ZNF217: variants seen among roughly 807,000 people sequenced by gnomAD.
ZNF217 encodes the protein zinc finger protein 217.
A neutral mutation model predicts 73.3 loss-of-function variants in ZNF217; 12 were observed. The observed-to-expected ratio is 0.16, with a 90% CI of 0.10 to 0.27. The LOEUF (loss-of-function observed/expected upper bound fraction) is 0.27, where lower values mean the gene tolerates loss of function less well. Among genes scored for constraint, ZNF217 ranks in the 10% least tolerant of loss-of-function variants. ZNF217 has a pLI of 1.00. For missense variants in ZNF217, 1,195 were observed against 1,327.8 expected (o/e 0.90, Z 1.55); for synonymous variants, 588 against 516.4 (o/e 1.14, Z -1.88).
chr20:53,568,494 T>A lies in ZNF217; in HGVS notation c.*794A>T, dbSNP rs1319629309. On this transcript the variant is annotated 3_prime_UTR_variant, in exon 6 of 6. Coordinates refer to ENST00000371471, the MANE Select transcript of ZNF217 (RefSeq NM_006526.3). ...AGAAAATGCTTGTCTGTAGACACAC[T>A]CTCTTAAAAATCCTACAAGCCATCC... The A allele has an allele frequency of 6.6e-6, 1 of 152,152 alleles. No individual in the cohort carries two copies. The highest frequency in any genetic ancestry group is 1.5e-5 in the Non-Finnish European group (1 of 68,024). The allele number at this position is 152,152 out of a possible 1,614,324, so 9.4% of individuals were successfully genotyped here.
chr20:53,588,969 C>T (rs1367954526), intron 1 of ZNF217, among the ~76,000 whole-genome samples: 1 of 152,200 alleles, frequency 6.6e-6, no homozygotes, highest in Non-Finnish European at 1.5e-5. Flanking sequence ...AACAAAAACA[C>T]TTCAGTATAA....
Position 53,581,902 on chromosome 20 carries a change from T to C in ZNF217, c.925A>G (p.Ile309Val), listed in dbSNP as rs1223400263. Residue 309 changes from isoleucine to valine, a missense_variant, in exon 2 of 6, where the codon ATT becomes GTT. Coordinates refer to ENST00000371471, the MANE Select transcript of ZNF217 (RefSeq NM_006526.3). The surrounding 1 kb of genome is among the most constrained non-coding windows in gnomAD (Gnocchi z 4.9). ...WQLATKGKVA[I>V]CQEVKESGQE... The stretch of plus-strand genomic sequence containing the variant: ...CCCGATTCCTTCACTTCTTGGCAAA[T>C]GGCAACTTTTCCTTTGGTAGCCAGC... The C allele has an allele frequency of 3.7e-6, 6 of 1,614,124 alleles. No individual in the cohort carries two copies. The highest frequency in any genetic ancestry group is 1.3e-5 in the African/African-American group (1 of 74,938).
At chr20:53,592,728 C>T (rs1294368555) in intron 1 of ZNF217, among the ~76,000 whole-genome samples, 1 of 151,770 alleles carries the variant, frequency 6.6e-6, no homozygotes, top group Non-Finnish European at 1.5e-5. Context: ...CCCTCCGCCT[C>T]TCCACCATCC....
intron 1 of ZNF217, among the ~76,000 whole-genome samples, chr20:53,585,556 T>C (rs758231323): frequency 7.9e-5 from 12 of 152,040 alleles, no homozygotes; most frequent in Non-Finnish European, 1.6e-4. Context: ...CCCAAAAAAA[T>C]AAGAAATATG....
chr20:53,581,860 C>T lies in ZNF217; in HGVS notation c.967G>A (p.Asp323Asn), dbSNP rs767530299. Residue 323 changes from aspartate to asparagine, a missense_variant, in exon 2 of 6, where the codon GAC becomes AAC. Physicochemically the swap from Asp to Asn is conservative, Grantham distance 23 (BLOSUM62 1). Transcript: ENST00000371471. This position sits in a 1 kb window ranked among gnomAD's most constrained non-coding sequence, Gnocchi z 4.9. ...VKESGQEGST[D>N]NDDSSSEKEL... is the part of the protein sequence containing the mutation. ...TTCTCGGAACTCGAATCGTCGTTGT[C>T]GGTGCTCCCTTCTTGCCCCGATTCC... is the stretch of plus-strand genomic sequence containing the variant. 5.0e-6 allele frequency: 8 copies of T among 1,614,104 alleles called. No homozygotes were observed. Among genetic ancestry groups the T allele is most frequent in the South Asian group, 1.1e-5 (1 of 91,086 alleles).
In ZNF217 at chr20:53,582,922, A is replaced by C. The variant is rs1988564614; in HGVS notation, c.-96T>G. 3 of 1,286,402 alleles carry C rather than the reference A, an allele frequency of 2.3e-6. No homozygotes were observed. Among genetic ancestry groups the C allele is most frequent in the Admixed American group, 2.3e-5 (1 of 42,728 alleles). The allele number at this position is 1,286,402 out of a possible 1,614,324, so 79.7% of individuals were successfully genotyped here. ...CCTCTAACAGCCCTGGGTTCCAAAA[A>C]CCAGAGCAAATATTTATTATAAAAG... is the stretch of plus-strand genomic sequence containing the variant. On this transcript the variant is annotated 5_prime_UTR_variant, in exon 2 of 6. Coordinates refer to ENST00000371471, the MANE Select transcript of ZNF217 (RefSeq NM_006526.3). The surrounding 1 kb of genome is among the most constrained non-coding windows in gnomAD (Gnocchi z 4.8).
chr20:53,567,109 AATAAC>A lies in ZNF217; in HGVS notation c.*2174_*2178del, dbSNP rs1166823003. 46 of 152,766 alleles carry A rather than the reference AATAAC, an allele frequency of 3.0e-4. 1 individual carries two copies. Among genetic ancestry groups the A allele is most frequent in the East Asian group, 5.8e-4 (3 of 5,194 alleles). The allele number at this position is 152,766 out of a possible 1,614,324, so 9.5% of individuals were successfully genotyped here. Reference sequence around the variant, plus strand: ...AATCTATATTTACACTTCCACATATAATAACATAACTTTAAGCTGAAATATATCAT... The same window carrying A: ...AATCTATATTTACACTTCCACATATAATAACTTTAAGCTGAAATATATCAT... On this transcript the variant is annotated 3_prime_UTR_variant, in exon 6 of 6. Coordinates refer to ENST00000371471, the MANE Select transcript of ZNF217 (RefSeq NM_006526.3).
rs901047399 is a variant in ZNF217 at position 53,567,924 on chromosome 20, T to C, written c.*1364A>G. ...CAGTGCAAATTTATTTTTGAAACAG[T>C]TTCTTAATAAAATATTTTGTGGTCA... On this transcript the variant is annotated 3_prime_UTR_variant, in exon 6 of 6. Transcript: ENST00000371471. The C allele has an allele frequency of 8.5e-5, 13 of 152,614 alleles. No homozygotes were observed. Among genetic ancestry groups the C allele is most frequent in the African/African-American group, 3.1e-4 (13 of 41,436 alleles). 9.5% of individuals were successfully genotyped at this position (152,614 alleles called of 1,614,324 possible).
chr20:53,594,138 G>A (rs1423785069), upstream of ZNF217, among the ~76,000 whole-genome samples: 2 of 151,496 alleles, frequency 1.3e-5, no homozygotes, highest in Admixed American at 6.6e-5. Flanking sequence ...AGCGGGGCGG[G>A]GGTGCGCACG....
rs543115542 is a variant in ZNF217 at position 53,576,335 on chromosome 20, G to A, written c.2429C>T (p.Ser810Phe). 1 of 1,614,232 alleles carries A rather than the reference G, an allele frequency of 6.2e-7. No homozygotes were observed. Among genetic ancestry groups the A allele is most frequent in the African/African-American group, 1.3e-5 (1 of 75,062 alleles). ...CAGGTTACTTGGGGCTAAAGTGCTAGAGTCTATCCCTGAAGTCAGAGGGGC... is the reference window on the plus strand; with the variant it reads ...CAGGTTACTTGGGGCTAAAGTGCTAAAGTCTATCCCTGAAGTCAGAGGGGC... ...GKAPLTSGID[S>F]STLAPSNLKS... Residue 810 changes from serine to phenylalanine, a missense_variant, in exon 4 of 6, where the codon TCT becomes TTT. Physicochemically the swap from Ser to Phe is radical, Grantham distance 155. This residue lies in a region of ZNF217 where 649 missense variants were observed against 642.8 expected (regional missense o/e 1.01). Transcript: ENST00000371471.
At chr20:53,594,130 C>A (rs1286855106), upstream of ZNF217, among the ~76,000 whole-genome samples, 1 of 149,322 alleles carries the variant, frequency 6.7e-6, no homozygotes, top group Non-Finnish European at 1.5e-5. Context: ...CTAAGGTGAG[C>A]GGGGCGGGGG....
intron 4 of ZNF217, chr20:53,572,755 C>G (rs945615503): frequency 6.6e-6 from 1 of 152,106 alleles, no homozygotes; most frequent in African/African-American, 2.4e-5. Context: ...GGAGCACAAA[C>G]CAGTAGAGCT....
At chr20:53,589,523 C>A (rs1988810602) in intron 1 of ZNF217, among the ~76,000 whole-genome samples, 1 of 152,172 alleles carries the variant, frequency 6.6e-6, no homozygotes, top group African/African-American at 2.4e-5. Flanking sequence ...GGGCTTCCCC[C>A]CTATTTATCT....
rs1268879751 is a variant in ZNF217 at position 53,589,900 on chromosome 20, T to TC, written c.-343+3855dup. Among the ~76,000 whole-genome samples, 9 of 110,564 alleles carry TC rather than the reference T, an allele frequency of 8.1e-5. No homozygotes were observed. In the East Asian group the frequency reaches 1.2e-3, roughly 15 times the overall value. The allele number at this position is 110,564 out of a possible 152,430, so 72.5% of individuals were successfully genotyped here. On this transcript the variant is annotated intron_variant, in intron 1 of 5. Transcript: ENST00000371471. ...ATGTGCGTTTAAATTTTAACACCCC[T>TC]CCCCCCCGCAGAATCTGGAGAAGAG...
intron 1 of ZNF217, among the ~76,000 whole-genome samples, chr20:53,588,938 C>G (rs999696014): frequency 1.3e-4 from 20 of 152,112 alleles, no homozygotes; most frequent in Middle Eastern, 3.2e-3. Flanking sequence ...TGAAGAAAAA[C>G]TCTATATTGA....
intron 1 of ZNF217, among the ~76,000 whole-genome samples, chr20:53,588,228 T>A (rs1988762507): frequency 6.6e-6 from 1 of 152,106 alleles, no homozygotes; most frequent in African/African-American, 2.4e-5. Context: ...TTAAATCAGT[T>A]AAGGTCAGTT....
intron 1 of ZNF217, among the ~76,000 whole-genome samples, chr20:53,587,589 C>T (rs1012925252): frequency 3.9e-5 from 6 of 152,098 alleles, no homozygotes; most frequent in African/African-American, 1.4e-4. Context: ...CTCAAAAACA[C>T]AGAAAAATTA....
intron 3 of ZNF217, 91 bp downstream of exon 3, chr20:53,578,243 A>G: frequency 1.2e-6 from 1 of 808,628 alleles, no homozygotes; most frequent in Non-Finnish European, 2.0e-6. Context: ...TAGTCCAAGG[A>G]TCTGGCAGAG....
intron 4 of ZNF217, chr20:53,574,327 CG>C (rs1347040705): frequency 6.6e-6 from 1 of 152,172 alleles, no homozygotes; most frequent in Non-Finnish European, 1.5e-5. Flanking sequence ...ACTCTTTAAT[CG>C]GAAGTTCTTT....
Sources: gnomAD v4.1 joint callset for allele counts (sites outside exome capture counted in the v4.1 genomes callset) on GRCh38, gnomAD v4.1.1 for gene constraint, gnomAD v4.1.1 regional missense constraint, Gnocchi (gnomAD v3.1) non-coding constraint, MANE v1.5 for transcripts, NCBI Gene and HGNC (gene_info 2026-07-23, HGNC 2026-07-21) for gene names.